Variants in FRMD5 observed in about 807,000 individuals in gnomAD.
FRMD5 encodes FERM domain-containing protein 5.
Under a neutral mutation model 69.0 loss-of-function variants are expected in FRMD5, and 20 were observed. The ratio of observed to expected loss-of-function variants is 0.29; its 90% confidence interval spans 0.20 to 0.42. The LOEUF (loss-of-function observed/expected upper bound fraction) is 0.42. Ranked by LOEUF, FRMD5 falls within the 10% of genes least tolerant of loss-of-function variation. The pLI is 1.00. For synonymous variants in FRMD5, 271 were observed against 260.1 expected, an observed-to-expected ratio of 1.04 and a Z score of -0.40; for missense variants, 595 against 708.6, an observed-to-expected ratio of 0.84 and a Z score of 1.82.
intron 13 of FRMD5, among the ~76,000 whole-genome samples, chr15:43,877,709 T>A (rs1321497115): frequency 6.6e-6 from 1 of 152,254 alleles, no homozygotes; most frequent in Non-Finnish European, 1.5e-5. Flanking sequence ...TTTTTGTCCC[T>A]GTGCTAAAAT....
intron 7 of FRMD5, among the ~76,000 whole-genome samples, chr15:43,893,128 C>CA (rs397957563): frequency 0.14 from 16,601 of 117,136 alleles, 1,511 homozygotes; most frequent in East Asian, 0.35. Context: ...AACGAAAAAA[C>CA]AAAAAAAAAA....
chr15:44,171,223 T>A (rs904989062), intron 1 of FRMD5, among the ~76,000 whole-genome samples: 2 of 152,222 alleles, frequency 1.3e-5, no homozygotes, highest in Non-Finnish European at 2.9e-5. Flanking sequence ...CACAGAATAG[T>A]GACAATTTTA....
chr15:43,965,104 G>A (rs2090271541), intron 1 of FRMD5, among the ~76,000 whole-genome samples: 1 of 152,216 alleles, frequency 6.6e-6, no homozygotes, highest in Non-Finnish European at 1.5e-5. Context: ...TAAATTGACA[G>A]GGATTCCAGC....
At chr15:43,967,802 G>A (rs2090317544) in intron 1 of FRMD5, among the ~76,000 whole-genome samples, 1 of 151,426 alleles carries the variant, frequency 6.6e-6, no homozygotes, top group African/African-American at 2.4e-5. Context: ...TGTGCAGAAT[G>A]TGCAGGTTAT....
chr15:44,008,819 G>C (rs1595617931), intron 1 of FRMD5, among the ~76,000 whole-genome samples: 1 of 152,046 alleles, frequency 6.6e-6, no homozygotes, highest in South Asian at 2.1e-4. Context: ...CAGGTCAGAA[G>C]ATCGACACCA....
At chr15:44,079,578 T>C (rs1405836760) in intron 1 of FRMD5, among the ~76,000 whole-genome samples, 1 of 152,034 alleles carries the variant, frequency 6.6e-6, no homozygotes, top group East Asian at 1.9e-4. Context: ...ATGATAACTA[T>C]ACCCATATGA....
chr15:44,010,807 T>C (rs918894379), intron 1 of FRMD5, among the ~76,000 whole-genome samples: 1 of 152,116 alleles, frequency 6.6e-6, no homozygotes, highest in Non-Finnish European at 1.5e-5. Flanking sequence ...AACTCTTCCA[T>C]ATAGCTTTTA....
chr15:44,196,583 AGG>A (rs2078301237), upstream of FRMD5, among the ~76,000 whole-genome samples: 1 of 152,136 alleles, frequency 6.6e-6, no homozygotes, highest in Non-Finnish European at 1.5e-5. Flanking sequence ...TCTTGTTTAT[AGG>A]TATAATGTGT....
intron 1 of FRMD5, among the ~76,000 whole-genome samples, chr15:44,033,825 A>T (rs2140292201): frequency 6.6e-6 from 1 of 152,288 alleles, no homozygotes; most frequent in Admixed American, 6.5e-5. Flanking sequence ...CCTCTACAAC[A>T]TGAGTGAAAA....
At chr15:43,892,283 G>C (rs1262412464) in intron 7 of FRMD5, among the ~76,000 whole-genome samples, 1 of 152,210 alleles carries the variant, frequency 6.6e-6, no homozygotes, top group Non-Finnish European at 1.5e-5. Flanking sequence ...GAGCCTCAGT[G>C]TCCTGATCTG....
chr15:44,194,700 G>C, intron 1 of FRMD5: 1 of 547,428 alleles, frequency 1.8e-6, no homozygotes, highest in Non-Finnish European at 3.3e-6. Flanking sequence ...CACCCAGGGA[G>C]AGCAGGGTAG....
chr15:43,972,605 T>C (rs1300867561), intron 1 of FRMD5, among the ~76,000 whole-genome samples: 2 of 152,190 alleles, frequency 1.3e-5, no homozygotes, highest in African/African-American at 4.8e-5. Flanking sequence ...ACTGGCTGGA[T>C]TTCAGCCCCA....
intron 1 of FRMD5, among the ~76,000 whole-genome samples, chr15:44,037,085 C>T (rs1480117850): frequency 6.6e-6 from 1 of 152,156 alleles, no homozygotes; most frequent in East Asian, 1.9e-4. Context: ...TTGCTCTACC[C>T]ATCAGCCTGT....
At chr15:43,958,619 A>C (rs186527166) in intron 1 of FRMD5, among the ~76,000 whole-genome samples, 1 of 152,098 alleles carries the variant, frequency 6.6e-6, no homozygotes, top group East Asian at 1.9e-4. Context: ...ATTTTTTTCG[A>C]GACAGGGTTT....
intron 1 of FRMD5, among the ~76,000 whole-genome samples, chr15:44,095,432 T>C (rs1050405754): frequency 6.6e-6 from 1 of 152,130 alleles, no homozygotes; most frequent in Non-Finnish European, 1.5e-5. Context: ...CTCAAACTCC[T>C]GGGTTACAGC....
At chr15:44,150,035 C>T (rs1257086542) in intron 1 of FRMD5, among the ~76,000 whole-genome samples, 3 of 152,022 alleles carry the variant, frequency 2.0e-5, no homozygotes, top group Non-Finnish European at 4.4e-5. Context: ...CAATATATCA[C>T]ACTAACAGAA....
At chr15:44,108,456 C>T (rs2076750641) in intron 1 of FRMD5, among the ~76,000 whole-genome samples, 1 of 152,144 alleles carries the variant, frequency 6.6e-6, no homozygotes, top group African/African-American at 2.4e-5. Context: ...ACCAGCCTGA[C>T]CAACATAGAG....
chr15:43,917,699 T>C (rs373898031), intron 4 of FRMD5: 1 of 152,268 alleles, frequency 6.6e-6, no homozygotes, highest in African/African-American at 2.4e-5. Flanking sequence ...ATTTTAAACA[T>C]AGTGGTTCTA....
intron 1 of FRMD5, among the ~76,000 whole-genome samples, chr15:44,168,947 T>C (rs2077754988): frequency 6.6e-6 from 1 of 152,230 alleles, no homozygotes; most frequent in African/African-American, 2.4e-5. Context: ...CCTTGATCAA[T>C]ATCATTTCAA....
Sources: gnomAD v4.1 joint callset for allele counts (sites outside exome capture counted in the v4.1 genomes callset) on GRCh38, gnomAD v4.1.1 for gene constraint, MANE v1.5 for transcripts, NCBI Gene and HGNC (gene_info 2026-07-23, HGNC 2026-07-21) for gene names.